AFAP1: variants seen among roughly 807,000 people sequenced by gnomAD.
The protein encoded by AFAP1 is actin filament associated protein 1.
In AFAP1, 75 loss-of-function variants were observed where a neutral mutation model predicts 93.9. The observed-to-expected ratio is 0.80, with a 90% CI of 0.66 to 0.97. AFAP1 has a LOEUF of 0.97. Ranked by LOEUF, AFAP1 falls within the 50% of genes least tolerant of loss-of-function variation. The pLI, the probability that AFAP1 is intolerant of heterozygous loss-of-function variation, is 0.00. For synonymous variants in AFAP1, 517 were observed against 430.7 expected, an observed-to-expected ratio of 1.20 and a Z score of -2.48; for missense variants, 1,201 against 1,050.8, an observed-to-expected ratio of 1.14 and a Z score of -1.98.
chr4:7,840,077 G>C (rs1712802627), intron 5 of AFAP1, among the ~76,000 whole-genome samples: 1 of 152,110 alleles, frequency 6.6e-6, no homozygotes, highest in Non-Finnish European at 1.5e-5. Flanking sequence ...AGCTGGTTAA[G>C]TCACCTGCCT....
chr4:7,899,350 T>C (rs767653057), intron 1 of AFAP1, among the ~76,000 whole-genome samples: 3 of 152,168 alleles, frequency 2.0e-5, no homozygotes, highest in African/African-American at 4.8e-5. Context: ...GTCACACATA[T>C]GCCATTCAAG....
At chr4:7,846,508 A>G (rs781365353) in intron 4 of AFAP1, among the ~76,000 whole-genome samples, 1 of 152,230 alleles carries the variant, frequency 6.6e-6, no homozygotes, top group Non-Finnish European at 1.5e-5. Flanking sequence ...TGATTCTCAT[A>G]GCGGCCTGGA....
intron 9 of AFAP1, among the ~76,000 whole-genome samples, chr4:7,802,591 G>A (rs1252504341): frequency 6.7e-6 from 1 of 150,150 alleles, no homozygotes; most frequent in Non-Finnish European, 1.5e-5. Flanking sequence ...TACTATTTTT[G>A]TTCTGCAAAA....
intron 1 of AFAP1, among the ~76,000 whole-genome samples, chr4:7,916,359 G>A (rs1228805643): frequency 6.6e-6 from 1 of 152,140 alleles, no homozygotes; most frequent in African/African-American, 2.4e-5. Flanking sequence ...CCAAAGGCAG[G>A]GACCTCTCTG....
In AFAP1 at chr4:7,816,113, A is replaced by G; in HGVS notation, c.823-14T>C. The G allele has an allele frequency of 6.2e-7, 1 of 1,603,086 alleles. No homozygotes were observed. Among genetic ancestry groups the G allele is most frequent in the Non-Finnish European group, 8.5e-7 (1 of 1,173,742 alleles). The stretch of plus-strand genomic sequence containing the variant: ...TGAAGACAGTTTCTGTAAGGAGAAA[A>G]AGATTAAGTTATTCTTACAGTGGTC... On this transcript the variant is annotated splice_polypyrimidine_tract_variant and intron_variant, in intron 7 of 17. Coordinates refer to ENST00000420658, the MANE Select transcript of AFAP1 (RefSeq NM_001134647.2).
At chr4:7,827,254 A>G (rs987251757) in intron 6 of AFAP1, among the ~76,000 whole-genome samples, 1 of 152,050 alleles carries the variant, frequency 6.6e-6, no homozygotes, top group African/African-American at 2.4e-5. Context: ...AGAGGACCCA[A>G]CATACCTACA....
chr4:7,922,289 C>T (rs1720481240), intron 1 of AFAP1, among the ~76,000 whole-genome samples: 2 of 152,088 alleles, frequency 1.3e-5, no homozygotes, highest in African/African-American at 4.8e-5. Flanking sequence ...AATAATAATA[C>T]CTAACACACA....
intron 10 of AFAP1, 36 bp downstream of exon 10, chr4:7,800,406 C>T: frequency 6.2e-7 from 1 of 1,605,068 alleles, no homozygotes; most frequent in Non-Finnish European, 8.5e-7. Flanking sequence ...CCGCGTGTGT[C>T]CCTCTGTGGA....
At chr4:7,843,405 C>T in intron 4 of AFAP1, 55 bp from the exon 5 acceptor site, 7 of 1,500,590 alleles carry the variant, frequency 4.7e-6, no homozygotes, top group Non-Finnish European at 6.3e-6. Flanking sequence ...TGAAGTTTAC[C>T]CGTGGGCTCA....
intron 4 of AFAP1, among the ~76,000 whole-genome samples, chr4:7,845,647 T>C (rs750937585): frequency 2.0e-5 from 3 of 151,974 alleles, no homozygotes; most frequent in Non-Finnish European, 4.4e-5. Flanking sequence ...CTGCCCCTGC[T>C]TCACATCACC....
At chr4:7,798,723 GA>G (rs1455365624) in intron 10 of AFAP1, among the ~76,000 whole-genome samples, 1 of 152,194 alleles carries the variant, frequency 6.6e-6, no homozygotes, top group East Asian at 1.9e-4. Context: ...GTGAAGGTAT[GA>G]AATGCTACCA....
At chr4:7,770,570 G>C (rs1001420001) in intron 16 of AFAP1, among the ~76,000 whole-genome samples, 2 of 152,196 alleles carry the variant, frequency 1.3e-5, no homozygotes, top group African/African-American at 4.8e-5. Flanking sequence ...GGAGCAGGAG[G>C]CCAGGCAGAA....
chr4:7,899,673 G>C (rs4411970), intron 1 of AFAP1, among the ~76,000 whole-genome samples: 25 of 152,074 alleles, frequency 1.6e-4, no homozygotes, highest in Admixed American at 6.6e-5. Context: ...CCTGTTAATT[G>C]TGAAGGTGGC....
chr4:7,809,772 A>G lies in AFAP1; in HGVS notation c.905-9T>C, dbSNP rs1191383785. The G allele has an allele frequency of 1.2e-6, 2 of 1,603,800 alleles. No homozygotes were observed. Among genetic ancestry groups the G allele is most frequent in the Non-Finnish European group, 1.7e-6 (2 of 1,177,058 alleles). Reference sequence around the variant, plus strand: ...ACTTTTCTTCCTCTTCACTGTCAAGAGTAACAACAGCAAAAAAGCATGTTT... The same window carrying G: ...ACTTTTCTTCCTCTTCACTGTCAAGGGTAACAACAGCAAAAAAGCATGTTT... On this transcript the variant is annotated splice_polypyrimidine_tract_variant and intron_variant, in intron 8 of 17. Coordinates refer to ENST00000420658, the MANE Select transcript of AFAP1 (RefSeq NM_001134647.2).
intron 6 of AFAP1, among the ~76,000 whole-genome samples, chr4:7,823,201 C>A (rs1721127633): frequency 6.6e-6 from 1 of 151,932 alleles, no homozygotes; most frequent in Non-Finnish European, 1.5e-5. Context: ...CTGGGCCTTG[C>A]TTTTGTCACT....
chr4:7,804,624 C>T (rs575610535), intron 9 of AFAP1, among the ~76,000 whole-genome samples: 64 of 152,242 alleles, frequency 4.2e-4, no homozygotes, highest in Admixed American at 5.2e-4. Context: ...TCTCGAATTC[C>T]GGCAGCTGCA....
intron 1 of AFAP1, 87 bp from the exon 2 acceptor site, chr4:7,872,167 A>C: frequency 1.6e-5 from 24 of 1,517,892 alleles, no homozygotes; most frequent in Non-Finnish European, 1.9e-5. Flanking sequence ...GAAGCATTTC[A>C]TGTTTAGCTT....
At chr4:7,801,207 G>A (rs1334094530) in intron 9 of AFAP1, among the ~76,000 whole-genome samples, 1 of 152,190 alleles carries the variant, frequency 6.6e-6, no homozygotes, top group African/African-American at 2.4e-5. Flanking sequence ...CCCGCAGATG[G>A]CAGAGGCCCT....
chr4:7,864,717 T>C (rs1716212922), intron 3 of AFAP1, among the ~76,000 whole-genome samples: 1 of 152,208 alleles, frequency 6.6e-6, no homozygotes, highest in South Asian at 2.1e-4. Flanking sequence ...CTTATTACCA[T>C]AATTATTTAC....
Sources: gnomAD v4.1 joint callset for allele counts (sites outside exome capture counted in the v4.1 genomes callset) on GRCh38, gnomAD v4.1.1 for gene constraint, MANE v1.5 for transcripts, NCBI Gene and HGNC (gene_info 2026-07-23, HGNC 2026-07-21) for gene names.